PATJ: variants seen among roughly 807,000 people sequenced by gnomAD.
PATJ encodes PATJ crumbs cell polarity complex component.
A neutral mutation model predicts 224.9 loss-of-function variants in PATJ; 190 were observed. The observed-to-expected ratio is 0.84, with a 90% CI of 0.75 to 0.95. PATJ has a LOEUF of 0.95. Ranked by LOEUF, PATJ falls within the 40% of genes least tolerant of loss-of-function variation. PATJ has a pLI of 0.00. For synonymous variants in PATJ, 769 were observed against 820.3 expected, an observed-to-expected ratio of 0.94 and a Z score of 1.07; for missense variants, 2,121 against 2,270.3, an observed-to-expected ratio of 0.93 and a Z score of 1.34.
chr1:62,074,677 C>T (rs946574961), intron 31 of PATJ, among the ~76,000 whole-genome samples: 13 of 152,142 alleles, frequency 8.5e-5, no homozygotes, highest in African/African-American at 3.1e-4. Flanking sequence ...ACTTTATATA[C>T]TCCCGGCTGG....
rs760918830 is a variant in PATJ at position 61,766,395 on chromosome 1, G to A, written c.306G>A (p.Ser102=). The A allele has an allele frequency of 1.9e-6, 3 of 1,612,560 alleles. No homozygotes were observed. Among genetic ancestry groups the A allele is most frequent in the African/African-American group, 1.3e-5 (1 of 74,922 alleles). ...ATGTCCACAGGCCCTCTAATAACTCGACTGTATCTGGGTTATTTCCGTGGA... is the reference window on the plus strand; with the variant it reads ...ATGTCCACAGGCCCTCTAATAACTCAACTGTATCTGGGTTATTTCCGTGGA... ...NGNVHRPSNN[S]TVSGLFPWTP... The change falls in exon 4 of 44, where the codon TCG becomes TCA. Residue 102 remains serine (S), a synonymous_variant. Coordinates refer to ENST00000642238, the MANE Select transcript of PATJ (RefSeq NM_001350145.3).
chr1:62,117,135 G>T lies in PATJ; in HGVS notation c.4807G>T (p.Ala1603Ser), dbSNP rs1664524532. The change falls in exon 37 of 44, where the codon GCA (alanine) becomes TCA (serine). Residue 1603 changes from alanine to serine, a missense_variant. Transcript: ENST00000642238. ...GTTCTTTTCTTGCCTTTCCAAGTGT[G>T]CACAGGGACTTGTGCAGCTAGAGAT... is the stretch of plus-strand genomic sequence containing the variant. ...QETVATILKC[A>S]QGLVQLEIGR... 1 of 1,613,352 alleles carries T rather than the reference G, an allele frequency of 6.2e-7. No homozygotes were observed. The highest frequency in any genetic ancestry group is 8.5e-7 in the Non-Finnish European group (1 of 1,179,580).
At chr1:62,115,312 A>AAAAT (rs967977257) in intron 35 of PATJ, among the ~76,000 whole-genome samples, 11 of 152,158 alleles carry the variant, frequency 7.2e-5, no homozygotes, top group Non-Finnish European at 1.2e-4. Context: ...CTCCATCTCA[A>AAAAT]AAATAAATAA....
intron 3 of PATJ, among the ~76,000 whole-genome samples, chr1:61,763,477 A>C (rs922960559): frequency 1.3e-5 from 2 of 150,824 alleles, no homozygotes; most frequent in African/African-American, 4.9e-5. Context: ...GGTTGCAGTG[A>C]GCTATGATCA....
At chr1:62,026,197 G>C (rs939580572) in intron 29 of PATJ, among the ~76,000 whole-genome samples, 1 of 152,196 alleles carries the variant, frequency 6.6e-6, no homozygotes, top group African/African-American at 2.4e-5. Context: ...TGTTCATATA[G>C]TTAGGAATAT....
chr1:61,937,029 G>A (rs1029103005), intron 27 of PATJ, among the ~76,000 whole-genome samples: 3 of 152,054 alleles, frequency 2.0e-5, no homozygotes, highest in Non-Finnish European at 2.9e-5. Context: ...TCATAGCTTC[G>A]AGTCGTTTAT....
chr1:61,950,274 T>C (rs1407341587), intron 27 of PATJ, among the ~76,000 whole-genome samples: 1 of 152,188 alleles, frequency 6.6e-6, no homozygotes, highest in Non-Finnish European at 1.5e-5. Context: ...GTGATGGCGT[T>C]TGAGAACCTT....
intron 22 of PATJ, among the ~76,000 whole-genome samples, chr1:61,888,887 A>C (rs1349867441): frequency 6.6e-6 from 1 of 152,190 alleles, no homozygotes; most frequent in Non-Finnish European, 1.5e-5. Context: ...AAGGACTCCA[A>C]CCTAACCTTG....
intron 29 of PATJ, among the ~76,000 whole-genome samples, chr1:62,028,422 A>G (rs1243942125): frequency 6.6e-6 from 1 of 152,130 alleles, no homozygotes. Context: ...TTCCAGCACC[A>G]TTTGTTGAAA....
intron 27 of PATJ, among the ~76,000 whole-genome samples, chr1:61,954,415 A>G (rs1424567822): frequency 6.6e-6 from 1 of 152,130 alleles, no homozygotes; most frequent in Admixed American, 6.5e-5. Context: ...ATTATTTTAC[A>G]TGGGTTTATG....
In PATJ at chr1:61,901,477, A is replaced by G; in HGVS notation, c.3381+18A>G. On this transcript the variant is annotated intron_variant, in intron 24 of 43. Coordinates refer to ENST00000642238, the MANE Select transcript of PATJ (RefSeq NM_001350145.3). ...TACTTGAGGTAAATGATGTTAAAGT[A>G]CTGTTTTTATTGGAAACATACGGTA... 5.2e-6 allele frequency: 8 copies of G among 1,530,868 alleles called. No homozygotes were observed. The highest frequency in any genetic ancestry group is 7.1e-6 in the Non-Finnish European group (8 of 1,133,700). 94.8% of individuals were successfully genotyped at this position (1,530,868 alleles called of 1,614,324 possible). A position where few individuals can be genotyped will look rare whatever the true frequency, so the allele number is the denominator to read the frequency against.
At chr1:61,759,120 C>A (rs1645812238) in intron 1 of PATJ, among the ~76,000 whole-genome samples, 2 of 152,178 alleles carry the variant, frequency 1.3e-5, no homozygotes, top group Admixed American at 1.3e-4. Context: ...CAGGGAATCC[C>A]CCAAGCTTGT....
intron 31 of PATJ, among the ~76,000 whole-genome samples, chr1:62,060,232 A>G (rs1655203204): frequency 6.6e-6 from 1 of 152,142 alleles, no homozygotes; most frequent in African/African-American, 2.4e-5. Flanking sequence ...CGTCATCTCC[A>G]TTTTGCAGCT....
intron 22 of PATJ, among the ~76,000 whole-genome samples, chr1:61,893,289 A>C (rs113018574): frequency 1.5e-4 from 23 of 152,204 alleles, no homozygotes; most frequent in African/African-American, 5.3e-4. Flanking sequence ...CCAACAGACT[A>C]ATCATTTTGT....
intron 21 of PATJ, among the ~76,000 whole-genome samples, chr1:61,878,321 C>A (rs1473287452): frequency 1.3e-5 from 2 of 151,976 alleles, no homozygotes; most frequent in Non-Finnish European, 2.9e-5. Flanking sequence ...GAATGGAGGC[C>A]CTCAAGGATG....
At chr1:62,064,472 G>A (rs916324052) in intron 31 of PATJ, among the ~76,000 whole-genome samples, 5 of 152,026 alleles carry the variant, frequency 3.3e-5, no homozygotes, top group African/African-American at 2.4e-5. Context: ...GGGATTACAG[G>A]TGTGCATCAC....
chr1:61,903,422 A>AC (rs1236871414), intron 24 of PATJ, among the ~76,000 whole-genome samples: 73 of 152,320 alleles, frequency 4.8e-4, no homozygotes, highest in African/African-American at 1.5e-3. Context: ...GGAGGAACAG[A>AC]TTTGGGGAGA....
At chr1:61,939,464 T>C (rs1196737804) in intron 27 of PATJ, among the ~76,000 whole-genome samples, 3 of 151,750 alleles carry the variant, frequency 2.0e-5, no homozygotes, top group Admixed American at 1.3e-4. Context: ...AAGTACAAAA[T>C]ATCTGTGTTC....
At chr1:62,098,370 GAA>G (rs1558164384) in intron 33 of PATJ, among the ~76,000 whole-genome samples, 1 of 107,830 alleles carries the variant, frequency 9.3e-6, no homozygotes, top group South Asian at 3.8e-4. Flanking sequence ...AAAAAAAAAA[GAA>G]AAAAGAAAAA....
Sources: gnomAD v4.1 joint callset for allele counts (sites outside exome capture counted in the v4.1 genomes callset) on GRCh38, gnomAD v4.1.1 for gene constraint, MANE v1.5 for transcripts, NCBI Gene and HGNC (gene_info 2026-07-23, HGNC 2026-07-21) for gene names.